The following DCDC2 variants were observed in gnomAD, a reference collection of about 807,000 sequenced individuals.
The protein encoded by DCDC2 is doublecortin domain-containing protein 2.
DCDC2 carries 40 observed loss-of-function variants against 50.2 expected under a neutral mutation model. The ratio of observed to expected loss-of-function variants is 0.80; its 90% CI spans 0.62 to 1.04. DCDC2 has a LOEUF of 1.04. DCDC2 is among the 50% of genes least tolerant of loss of function. The pLI is 0.00. For missense variants in DCDC2, 570 were observed against 581.9 expected (o/e 0.98, Z 0.21); for synonymous variants, 234 against 210.6 (o/e 1.11, Z -0.96).
At chr6:24,191,673 A>C (rs991620097) in intron 8 of DCDC2, among the ~76,000 whole-genome samples, 3 of 152,190 alleles carry the variant, frequency 2.0e-5, no homozygotes, top group Non-Finnish European at 4.4e-5. Context: ...AACAGCTCTG[A>C]TGGATCATTA....
intron 7 of DCDC2, among the ~76,000 whole-genome samples, chr6:24,245,539 C>T (rs2113794783): frequency 6.6e-6 from 1 of 152,296 alleles, no homozygotes; most frequent in Middle Eastern, 3.4e-3. Flanking sequence ...AACCATAAAA[C>T]TGGTCCCAAG....
At chr6:24,374,865 A>G in the DCDC2 span, among the ~76,000 whole-genome samples, 1 of 152,180 alleles carries the variant, frequency 6.6e-6, no homozygotes, top group African/African-American at 2.4e-5. Context: ...GCTCAGCCCC[A>G]TCGGGAGAAC....
Position 24,232,408 on chromosome 6 carries a change from G to A in DCDC2, c.923-27306C>T, listed in dbSNP as rs541279242. Among the ~76,000 whole-genome samples, 21 of 152,270 alleles carry A rather than the reference G, an allele frequency of 1.4e-4. 1 individual carries two copies. The South Asian group carries it at 1.5e-3, about 11-fold the overall frequency. Reference sequence around the variant, plus strand: ...AGAACTCTGTCTTACTTGCAAGTTCGCAAAGTCAACTCAATCAGCATGTTC... The same window carrying A: ...AGAACTCTGTCTTACTTGCAAGTTCACAAAGTCAACTCAATCAGCATGTTC... On this transcript the variant is annotated intron_variant, in intron 7 of 9. Coordinates refer to ENST00000378454, the MANE Select transcript of DCDC2 (RefSeq NM_016356.5).
chr6:24,353,040 A>G (rs931732212), intron 2 of DCDC2, among the ~76,000 whole-genome samples: 3 of 152,198 alleles, frequency 2.0e-5, no homozygotes, highest in Non-Finnish European at 2.9e-5. Flanking sequence ...TCCTTTTCCA[A>G]CCTTCACATA....
intron 9 of DCDC2, among the ~76,000 whole-genome samples, chr6:24,175,759 A>T (rs530138146): frequency 5.3e-5 from 8 of 152,232 alleles, no homozygotes; most frequent in Non-Finnish European, 1.2e-4. Context: ...TACATGGAAC[A>T]AAATGTTACA....
chr6:24,220,879 A>AGAGCGAGAGAGAGAGCGAGC, intron 7 of DCDC2, among the ~76,000 whole-genome samples: 1 of 106,974 alleles, frequency 9.3e-6, no homozygotes, highest in African/African-American at 4.6e-5. Context: ...CAAGAGAGCG[A>AGAGCGAGAGAGAGAGCGAGC]GAGCGAGAGA....
intron 2 of DCDC2, among the ~76,000 whole-genome samples, chr6:24,312,707 G>C (rs185693940): frequency 1.4e-3 from 214 of 152,198 alleles, no homozygotes; most frequent in African/African-American, 4.6e-3. Flanking sequence ...TCCTTATTCA[G>C]ATGGCTATTT....
At chr6:24,306,543 T>TAGATAGATAGAGAGACAGACAGAC (rs1209633765) in intron 2 of DCDC2, among the ~76,000 whole-genome samples, 6 of 115,662 alleles carry the variant, frequency 5.2e-5, no homozygotes, top group African/African-American at 1.7e-4. Flanking sequence ...GATAGATAGA[T>TAGATAGATAGAGAGACAGACAGAC]AGACAGACAG....
At chr6:24,333,624 T>C (rs9460993) in intron 2 of DCDC2, among the ~76,000 whole-genome samples, 3,001 of 152,304 alleles carry the variant, frequency 0.02, 43 homozygotes, top group African/African-American at 0.037. Context: ...AACATTGATG[T>C]AAAGTCTTGC....
intron 2 of DCDC2, among the ~76,000 whole-genome samples, chr6:24,339,219 C>T (rs983830842): frequency 4.6e-5 from 7 of 151,912 alleles, no homozygotes; most frequent in South Asian, 2.1e-4. Flanking sequence ...TAGGTCACAA[C>T]GTATATATCA....
At chr6:24,235,968 A>G (rs537881143) in intron 7 of DCDC2, among the ~76,000 whole-genome samples, 2 of 152,368 alleles carry the variant, frequency 1.3e-5, no homozygotes, top group South Asian at 4.1e-4. Flanking sequence ...ACAAATGGAA[A>G]AACATTCCAT....
Position 24,217,685 on chromosome 6 carries a change from A to T in DCDC2, c.923-12583T>A, listed in dbSNP as rs368787889. On this transcript the variant is annotated intron_variant, in intron 7 of 9. Coordinates refer to ENST00000378454, the MANE Select transcript of DCDC2 (RefSeq NM_016356.5). ...TAACTGTTCTAGAATTTTACAGATTAATGTGCTTTGACTTGCTTTAAACAA... is the reference window on the plus strand; with the variant it reads ...TAACTGTTCTAGAATTTTACAGATTTATGTGCTTTGACTTGCTTTAAACAA... Among the ~76,000 whole-genome samples, 4 of 152,310 alleles carry T rather than the reference A, an allele frequency of 2.6e-5. No homozygotes were observed. In the South Asian group the frequency reaches 6.2e-4, roughly 24 times the overall value.
intron 2 of DCDC2, among the ~76,000 whole-genome samples, chr6:24,347,149 A>G (rs745597438): frequency 2.6e-5 from 4 of 152,220 alleles, no homozygotes; most frequent in Non-Finnish European, 5.9e-5. Flanking sequence ...AATTAATCCC[A>G]TTATCCTCTG....
chr6:24,249,527 G>A (rs777283771), intron 7 of DCDC2, among the ~76,000 whole-genome samples: 27 of 152,260 alleles, frequency 1.8e-4, no homozygotes, highest in Middle Eastern at 3.4e-3. Context: ...TCAAGATAAG[G>A]CAGCGATGCA....
chr6:24,191,341 A>T (rs1447745403), intron 8 of DCDC2, among the ~76,000 whole-genome samples: 2 of 152,194 alleles, frequency 1.3e-5, no homozygotes, highest in African/African-American at 4.8e-5. Context: ...ATGGAGAATA[A>T]AACTAGGGCA....
intron 7 of DCDC2, among the ~76,000 whole-genome samples, chr6:24,220,247 T>C (rs527486369): frequency 2.0e-5 from 3 of 152,358 alleles, no homozygotes; most frequent in East Asian, 3.9e-4. Context: ...ATACCAATTG[T>C]GTAATTTCAT....
Position 24,326,880 on chromosome 6 carries a change from A to G in DCDC2, c.349-24836T>C, listed in dbSNP as rs186287304. On this transcript the variant is annotated intron_variant, in intron 2 of 9. Transcript: ENST00000378454. ...TCTCAAAAAAAAAAAAAAAATGCAT[A>G]AAAATGTTCATTTACATCCTCATTT... 6.7e-5 allele frequency among the ~76,000 whole-genome samples: 10 copies of G among 148,894 alleles called. 1 individual carries two copies. Among genetic ancestry groups the G allele is most frequent in the Non-Finnish European group, 3.0e-5 (2 of 66,958 alleles).
chr6:24,246,448 G>A (rs1025622834), intron 7 of DCDC2, among the ~76,000 whole-genome samples: 116 of 113,134 alleles, frequency 1.0e-3, no homozygotes, highest in African/African-American at 3.1e-3. Flanking sequence ...TGTAAGATCT[G>A]TTTTAGATAA....
At chr6:24,319,035 TA>T (rs1759724960) in intron 2 of DCDC2, among the ~76,000 whole-genome samples, 1 of 152,180 alleles carries the variant, frequency 6.6e-6, no homozygotes, top group Admixed American at 6.5e-5. Context: ...TGTACTAATT[TA>T]CATTCCCACC....
Sources: gnomAD v4.1 joint callset for allele counts (sites outside exome capture counted in the v4.1 genomes callset) on GRCh38, gnomAD v4.1.1 for gene constraint, MANE v1.5 for transcripts, NCBI Gene and HGNC (gene_info 2026-07-23, HGNC 2026-07-21) for gene names.